The following WSCD2 variants were observed in gnomAD, a reference collection of about 807,000 sequenced individuals.
The protein encoded by WSCD2 is WSC domain sialate O sulfotransferase 2.
WSCD2 carries 28 observed loss-of-function variants against 55.7 expected under a neutral mutation model. The ratio of observed to expected loss-of-function variants is 0.50; its 90% CI spans 0.37 to 0.69. The LOEUF is 0.69. Among genes scored for constraint, WSCD2 ranks in the 30% least tolerant of loss-of-function variants. The pLI, the probability that WSCD2 is intolerant of heterozygous loss-of-function variation, is 0.00. For synonymous variants in WSCD2, 301 were observed against 301.9 expected, an observed-to-expected ratio of 1.00 and a Z score of 0.03; for missense variants, 616 against 762.1, an observed-to-expected ratio of 0.81 and a Z score of 2.26.
Position 108,174,560 on chromosome 12 carries a change from C to A in WSCD2, c.-551-20722C>A, listed in dbSNP as rs755046293. 2.0e-4 allele frequency among the ~76,000 whole-genome samples: 31 copies of A among 152,188 alleles called. 1 individual carries two copies. Among genetic ancestry groups the A allele is most frequent in the Non-Finnish European group, 2.4e-4 (16 of 68,028 alleles). On this transcript the variant is annotated intron_variant, in intron 1 of 8. Coordinates refer to ENST00000547525, the MANE Select transcript of WSCD2 (RefSeq NM_014653.4). ...GAAAGCTAATGAACACTGGGTCATGCCTATTGCCAGGGTTTGCTCATCCCA... is the reference window on the plus strand; with the variant it reads ...GAAAGCTAATGAACACTGGGTCATGACTATTGCCAGGGTTTGCTCATCCCA...
intron 1 of WSCD2, among the ~76,000 whole-genome samples, chr12:108,160,068 C>T (rs918660390): frequency 2.6e-5 from 4 of 152,144 alleles, no homozygotes; most frequent in Non-Finnish European, 5.9e-5. Flanking sequence ...TTTAGGATCT[C>T]GGCTGGATGA....
intron 7 of WSCD2, chr12:108,233,127 G>T (rs764761146): frequency 7.9e-5 from 39 of 492,792 alleles, no homozygotes; most frequent in Non-Finnish European, 6.1e-5. Context: ...TTCAATAATT[G>T]ACATTTGTCA....
chr12:108,173,810 C>CTCTGTGTGTGTGTGTGTGTGTGTGTG (rs376999073), intron 1 of WSCD2, among the ~76,000 whole-genome samples: 2 of 131,144 alleles, frequency 1.5e-5, no homozygotes, highest in African/African-American at 6.1e-5. Flanking sequence ...TCCTGGCTCT[C>CTCTGTGTGTGTGTGTGTGTGTGTGTG]TGTGTGTGTG....
intron 4 of WSCD2, among the ~76,000 whole-genome samples, chr12:108,222,991 A>G (rs960011139): frequency 6.6e-6 from 1 of 152,250 alleles, no homozygotes; most frequent in Non-Finnish European, 1.5e-5. Flanking sequence ...CGAAATTCAT[A>G]TGGCAGGCCA....
chr12:108,173,683 G>A (rs990246499), intron 1 of WSCD2, among the ~76,000 whole-genome samples: 3 of 152,110 alleles, frequency 2.0e-5, no homozygotes, highest in Non-Finnish European at 4.4e-5. Flanking sequence ...GACTCCTATG[G>A]TGAAGGGGCC....
At chr12:108,219,507 T>A (rs1019311886) in intron 4 of WSCD2, among the ~76,000 whole-genome samples, 10 of 152,276 alleles carry the variant, frequency 6.6e-5, no homozygotes, top group African/African-American at 2.4e-4. Flanking sequence ...CATGTCCCAC[T>A]GCCCAAACAA....
At chr12:108,142,307 A>G (rs1876904138) in intron 1 of WSCD2, among the ~76,000 whole-genome samples, 1 of 152,148 alleles carries the variant, frequency 6.6e-6, no homozygotes, top group Admixed American at 6.5e-5. Flanking sequence ...TTTCATTTTT[A>G]TGTAGCCTCC....
At chr12:108,157,782 T>C (rs1446769065) in intron 1 of WSCD2, among the ~76,000 whole-genome samples, 4 of 152,252 alleles carry the variant, frequency 2.6e-5, no homozygotes, top group African/African-American at 9.6e-5. Context: ...TTGGCCCTGG[T>C]AGATATTTGG....
At chr12:108,158,997 A>G (rs1018868380) in intron 1 of WSCD2, among the ~76,000 whole-genome samples, 1 of 152,190 alleles carries the variant, frequency 6.6e-6, no homozygotes, top group East Asian at 1.9e-4. Context: ...CACTACAGCC[A>G]GAGTTCTTCC....
chr12:108,154,562 C>T (rs1413235634), intron 1 of WSCD2, among the ~76,000 whole-genome samples: 2 of 152,108 alleles, frequency 1.3e-5, no homozygotes, highest in African/African-American at 4.8e-5. Context: ...GCTTGCATGA[C>T]AGGTCACATA....
chr12:108,214,009 G>C (rs1328241486), intron 4 of WSCD2, among the ~76,000 whole-genome samples: 2 of 152,172 alleles, frequency 1.3e-5, no homozygotes, highest in East Asian at 3.9e-4. Flanking sequence ...CGATTTCCTA[G>C]GATTATGCCT....
intron 1 of WSCD2, among the ~76,000 whole-genome samples, chr12:108,182,928 G>A (rs1433907064): frequency 6.6e-6 from 1 of 152,018 alleles, no homozygotes. Context: ...CTCACAATAG[G>A]ATCTTATGAT....
In WSCD2 at chr12:108,240,385, A is replaced by G; in HGVS notation, c.1186A>G (p.Ile396Val). The G allele has an allele frequency of 6.2e-7, 1 of 1,614,196 alleles. No individual in the cohort carries two copies. The change falls in exon 8 of 9, where the codon ATC becomes GTC. Residue 396 changes from isoleucine (I) to valine (V), a missense_variant. Ile to Val is a conservative substitution (Grantham distance 29, BLOSUM62 3). Transcript: ENST00000547525. ...GGACCACTGGCGCAGCGGACGGACCATCTGCATCAAGACGCACGAAAGCGG... is the reference window on the plus strand; with the variant it reads ...GGACCACTGGCGCAGCGGACGGACCGTCTGCATCAAGACGCACGAAAGCGG... ...ERDHWRSGRTICIKTHESGQK... is the reference protein window; with the variant it reads ...ERDHWRSGRTVCIKTHESGQK...
chr12:108,197,171 A>G (rs752026240), intron 2 of WSCD2: 2 of 152,212 alleles, frequency 1.3e-5, no homozygotes, highest in Non-Finnish European at 2.9e-5. Flanking sequence ...TAAACCACCA[A>G]TCAAGGCAGA....
intron 2 of WSCD2, among the ~76,000 whole-genome samples, chr12:108,203,515 A>G (rs1205959548): frequency 6.6e-6 from 1 of 152,094 alleles, no homozygotes; most frequent in Non-Finnish European, 1.5e-5. Context: ...AATATGATTG[A>G]CCTTGCCAAG....
At chr12:108,227,751 A>ATGT (rs1888284896) in intron 6 of WSCD2, among the ~76,000 whole-genome samples, 1 of 150,936 alleles carries the variant, frequency 6.6e-6, no homozygotes. Context: ...GATGATGATG[A>ATGT]TGGTGATGAT....
chr12:108,130,359 T>C (rs1875361051), intron 1 of WSCD2, among the ~76,000 whole-genome samples: 1 of 152,196 alleles, frequency 6.6e-6, no homozygotes, highest in Non-Finnish European at 1.5e-5. Context: ...AAGATGTTTC[T>C]TGGGGGTGAT....
intron 4 of WSCD2, among the ~76,000 whole-genome samples, chr12:108,218,698 A>T (rs1430459017): frequency 6.6e-6 from 1 of 152,190 alleles, no homozygotes; most frequent in African/African-American, 2.4e-5. Context: ...AAGGACCCCA[A>T]AGACCACCCT....
At chr12:108,207,145 G>A (rs755873798) in intron 3 of WSCD2, among the ~76,000 whole-genome samples, 16 of 152,092 alleles carry the variant, frequency 1.1e-4, no homozygotes, top group Non-Finnish European at 2.2e-4. Flanking sequence ...TGGTGAACAG[G>A]GACAGGACCC....
Sources: allele counts gnomAD v4.1 joint callset (sites outside exome capture counted in the v4.1 genomes callset), GRCh38; gene constraint gnomAD v4.1.1; transcripts MANE v1.5; gene names NCBI Gene and HGNC (gene_info 2026-07-23, HGNC 2026-07-21).